The following CCDC122 variants were observed in gnomAD, a reference collection of about 807,000 sequenced individuals.
CCDC122 encodes the protein coiled-coil domain containing 122.
In CCDC122, 38 loss-of-function variants were observed where a neutral mutation model predicts 37.0. The observed-to-expected ratio is 1.03, with a 90% CI of 0.79 to 1.35. The LOEUF (loss-of-function observed/expected upper bound fraction) is 1.35, where lower values mean the gene tolerates loss of function less well. CCDC122 is among the 40% of genes most tolerant of loss of function. CCDC122 has a pLI of 0.00. For missense variants in CCDC122, 305 were observed against 310.0 expected (o/e 0.98, Z 0.12); for synonymous variants, 83 against 95.6 (o/e 0.87, Z 0.77).
chr13:43,869,030 C>T (rs950778693), intron 3 of CCDC122, among the ~76,000 whole-genome samples: 48 of 151,972 alleles, frequency 3.2e-4, no homozygotes, highest in African/African-American at 6.8e-4. Context: ...CGTTCCTCTA[C>T]GGAACAGTAT....
chr13:43,843,371 T>C (rs1248648772), intron 6 of CCDC122, among the ~76,000 whole-genome samples: 1 of 152,064 alleles, frequency 6.6e-6, no homozygotes, highest in Non-Finnish European at 1.5e-5. Context: ...ATTTGATGTT[T>C]GAAAGTTGAA....
intron 6 of CCDC122, among the ~76,000 whole-genome samples, chr13:43,850,126 G>T (rs536794371): frequency 2.0e-5 from 3 of 152,236 alleles, no homozygotes; most frequent in African/African-American, 7.2e-5. Flanking sequence ...AATGATATTT[G>T]CAGAGGCCTA....
intron 6 of CCDC122, among the ~76,000 whole-genome samples, chr13:43,840,435 T>C (rs1322973265): frequency 6.6e-6 from 1 of 152,148 alleles, no homozygotes; most frequent in African/African-American, 2.4e-5. Flanking sequence ...ACATGCAGGT[T>C]TGTTACATAT....
At chr13:43,857,064 T>C (rs1270818042) in intron 6 of CCDC122, among the ~76,000 whole-genome samples, 1 of 152,228 alleles carries the variant, frequency 6.6e-6, no homozygotes, top group East Asian at 1.9e-4. Context: ...CCAACTGTAA[T>C]ACCGATAATC....
intron 6 of CCDC122, among the ~76,000 whole-genome samples, chr13:43,857,440 A>G (rs1465828881): frequency 2.5e-5 from 3 of 118,842 alleles, no homozygotes; most frequent in African/African-American, 8.8e-5. Flanking sequence ...GTTGTATTCA[A>G]TACTTAGAAG....
At chr13:43,827,724 C>T (rs1012213863) in intron 3 of CCDC122, among the ~76,000 whole-genome samples, 20 of 152,164 alleles carry the variant, frequency 1.3e-4, no homozygotes, top group African/African-American at 4.3e-4. Context: ...CTTGAGCGTG[C>T]TCAGATTTTG....
intron 3 of CCDC122, among the ~76,000 whole-genome samples, chr13:43,826,311 C>G (rs998221648): frequency 4.6e-5 from 7 of 152,120 alleles, no homozygotes; most frequent in Non-Finnish European, 1.0e-4. Context: ...AACTTACTTA[C>G]CTAAATTGTG....
downstream of CCDC122, among the ~76,000 whole-genome samples, chr13:43,833,219 A>T (rs1226916711): frequency 6.6e-6 from 1 of 152,116 alleles, no homozygotes; most frequent in Non-Finnish European, 1.5e-5. Context: ...ATATTTTGAG[A>T]TATTAACTGT....
downstream of CCDC122, among the ~76,000 whole-genome samples, chr13:43,822,491 C>T (rs746777226): frequency 4.6e-5 from 7 of 152,224 alleles, no homozygotes; most frequent in Admixed American, 6.5e-5. Flanking sequence ...TAGCAGGTGG[C>T]GAAGCCAGCC....
At chr13:43,867,499 A>T (rs1847602751) in intron 4 of CCDC122, among the ~76,000 whole-genome samples, 1 of 152,120 alleles carries the variant, frequency 6.6e-6, no homozygotes. Context: ...CAACTGAAAC[A>T]TCATTTCTTT....
downstream of CCDC122, among the ~76,000 whole-genome samples, chr13:43,820,866 C>G (rs1380923409): frequency 1.3e-5 from 2 of 152,148 alleles, no homozygotes; most frequent in African/African-American, 4.8e-5. Context: ...TTTATAATTA[C>G]ACATTTTGAA....
intron 2 of CCDC122, among the ~76,000 whole-genome samples, chr13:43,874,235 C>T (rs1345175989): frequency 6.6e-6 from 1 of 152,106 alleles, no homozygotes; most frequent in African/African-American, 2.4e-5. Context: ...GCCACAGATT[C>T]CTTACTTATA....
intron 3 of CCDC122, among the ~76,000 whole-genome samples, chr13:43,824,227 A>C (rs1334776184): frequency 6.6e-6 from 1 of 152,220 alleles, no homozygotes; most frequent in Non-Finnish European, 1.5e-5. Context: ...CCTCTTCTAT[A>C]AGCAACTAAT....
At chr13:43,853,795 C>A (rs1433042572) in intron 6 of CCDC122, among the ~76,000 whole-genome samples, 2 of 152,216 alleles carry the variant, frequency 1.3e-5, no homozygotes, top group Non-Finnish European at 2.9e-5. Context: ...ATCTCTTGGA[C>A]CACAGCACAA....
chr13:43,827,026 GTTAGC>G (rs1256500126), intron 3 of CCDC122, among the ~76,000 whole-genome samples: 2 of 151,910 alleles, frequency 1.3e-5, no homozygotes, highest in Admixed American at 6.6e-5. Context: ...GTCCCACTTG[GTTAGC>G]TATATTTTCA....
downstream of CCDC122, among the ~76,000 whole-genome samples, chr13:43,820,348 G>A (rs1028949732): frequency 4.6e-5 from 7 of 152,096 alleles, no homozygotes; most frequent in South Asian, 2.1e-4. Context: ...GGAGCTCCAC[G>A]GTAAAGTAGC....
At chr13:43,840,753 T>C (rs956505893) in intron 6 of CCDC122, among the ~76,000 whole-genome samples, 1 of 149,516 alleles carries the variant, frequency 6.7e-6, no homozygotes, top group African/African-American at 2.5e-5. Context: ...ATGGTGTATA[T>C]GTGCCACATT....
chr13:43,857,449 A>AGTGTGTGT (rs60383575), intron 6 of CCDC122, among the ~76,000 whole-genome samples: 37 of 149,718 alleles, frequency 2.5e-4, no homozygotes, highest in Admixed American at 7.3e-4. Context: ...AATACTTAGA[A>AGTGTGTGT]GTGTGTGTGT....
downstream of CCDC122, among the ~76,000 whole-genome samples, chr13:43,822,745 T>C (rs530708026): frequency 6.6e-6 from 1 of 152,304 alleles, no homozygotes; most frequent in East Asian, 1.9e-4. Flanking sequence ...GGTGGGGTTC[T>C]GCCAGGGCAC....
Sources: allele counts gnomAD v4.1 joint callset (sites outside exome capture counted in the v4.1 genomes callset), GRCh38; gene constraint gnomAD v4.1.1; transcripts MANE v1.5; gene names NCBI Gene and HGNC (gene_info 2026-07-23, HGNC 2026-07-21).